Variants in RNF144A observed in about 807,000 individuals in gnomAD.
The protein encoded by RNF144A is E3 ubiquitin-protein ligase RNF144A.
A neutral mutation model predicts 38.7 loss-of-function variants in RNF144A; 11 were observed. That is an observed-to-expected ratio of 0.28 (90% CI 0.18 to 0.47). RNF144A has a LOEUF of 0.47. RNF144A is among the 20% of genes least tolerant of loss of function. The pLI is 0.99. For synonymous variants in RNF144A, 149 were observed against 143.9 expected, an observed-to-expected ratio of 1.04 and a Z score of -0.25; for missense variants, 316 against 377.2, an observed-to-expected ratio of 0.84 and a Z score of 1.34.
At chr2:7,016,190 A>G (rs796181035) in intron 5 of RNF144A, among the ~76,000 whole-genome samples, 13 of 151,842 alleles carry the variant, frequency 8.6e-5, no homozygotes, top group African/African-American at 3.1e-4. Flanking sequence ...CATGGCATTG[A>G]CATTTGTTTT....
At chr2:6,969,934 G>A (rs935017599) in intron 2 of RNF144A, among the ~76,000 whole-genome samples, 3 of 151,982 alleles carry the variant, frequency 2.0e-5, no homozygotes, top group Admixed American at 1.3e-4. Flanking sequence ...GCTAATTTTT[G>A]TATTTTTAGT....
chr2:6,993,183 G>A (rs1434423889), intron 2 of RNF144A, among the ~76,000 whole-genome samples: 3 of 152,076 alleles, frequency 2.0e-5, no homozygotes, highest in African/African-American at 4.8e-5. Context: ...TTTGAATCAC[G>A]ATTTTGAGCA....
chr2:6,972,563 T>A (rs1668063649), intron 2 of RNF144A, among the ~76,000 whole-genome samples: 1 of 152,204 alleles, frequency 6.6e-6, no homozygotes, highest in Non-Finnish European at 1.5e-5. Context: ...ACAATCCTTT[T>A]CCTTTTTTGG....
chr2:6,963,317 A>G (rs1667459073), intron 2 of RNF144A, among the ~76,000 whole-genome samples: 1 of 152,212 alleles, frequency 6.6e-6, no homozygotes, highest in Non-Finnish European at 1.5e-5. Context: ...CATGAAAGTT[A>G]ATATGCAACA....
At chr2:7,047,942 G>T (rs1673374587), downstream of RNF144A, among the ~76,000 whole-genome samples, 2 of 152,160 alleles carry the variant, frequency 1.3e-5, no homozygotes, top group South Asian at 4.2e-4. Flanking sequence ...GGGACCCAGT[G>T]TTCCTCCCAC....
intron 1 of RNF144A, chr2:6,918,438 C>G (rs1426358666): frequency 2.0e-5 from 3 of 152,346 alleles, no homozygotes; most frequent in Non-Finnish European, 2.9e-5. Context: ...AGGATGTCCA[C>G]TCCAAAGTTC....
chr2:7,023,088 T>C lies in RNF144A; in HGVS notation c.510-1281T>C, dbSNP rs571314156. Among the ~76,000 whole-genome samples, 14 of 152,346 alleles carry C rather than the reference T, an allele frequency of 9.2e-5. No individual in the cohort carries two copies. In the East Asian group the frequency reaches 2.1e-3, roughly 23 times the overall value. On this transcript the variant is annotated intron_variant, in intron 6 of 8. Transcript: ENST00000320892. The stretch of plus-strand genomic sequence containing the variant: ...ATCGATGCTATTAGCCTTATTCATC[T>C]GGTTTGCAGATGAGACACGTAACAC...
At chr2:7,029,354 G>C (rs1157319073) in intron 7 of RNF144A, among the ~76,000 whole-genome samples, 6 of 152,184 alleles carry the variant, frequency 3.9e-5, no homozygotes, top group East Asian at 1.9e-4. Context: ...TTGAGATCTG[G>C]GTGCCAAGCA....
intron 3 of RNF144A, among the ~76,000 whole-genome samples, chr2:7,001,520 T>TA (rs1415968175): frequency 2.6e-5 from 4 of 151,288 alleles, no homozygotes; most frequent in African/African-American, 9.7e-5. Context: ...CTACAAAAAA[T>TA]AAAAAAATTA....
intron 3 of RNF144A, among the ~76,000 whole-genome samples, chr2:6,998,857 G>T (rs1490848424): frequency 1.3e-5 from 2 of 151,198 alleles, no homozygotes; most frequent in Non-Finnish European, 1.5e-5. Context: ...CTTCCCAACT[G>T]ATCGAATGGC....
intron 2 of RNF144A, among the ~76,000 whole-genome samples, chr2:6,964,265 A>G (rs1052633495): frequency 1.4e-4 from 21 of 152,216 alleles, no homozygotes; most frequent in African/African-American, 4.8e-4. Flanking sequence ...CAAAACCACA[A>G]TGAGATACCA....
At position 7,042,874 on chromosome 2, in the gene RNF144A, T is replaced by C; in HGVS notation, c.*3114T>C. Reference sequence around the variant, plus strand: ...CCACCTCTGGCATTTTCTTTCTTTTTTTTTCTTTTTGAGACGGAGTTTCGC... The same window carrying C: ...CCACCTCTGGCATTTTCTTTCTTTTCTTTTCTTTTTGAGACGGAGTTTCGC... On this transcript the variant is annotated 3_prime_UTR_variant, in exon 9 of 9. Transcript: ENST00000320892. The C allele has an allele frequency of 3.0e-6, 3 of 985,216 alleles. No homozygotes were observed. Among genetic ancestry groups the C allele is most frequent in the Non-Finnish European group, 3.6e-6 (3 of 829,722 alleles). The allele number at this position is 985,216 out of a possible 1,614,324, so 61.0% of individuals were successfully genotyped here.
the RNF144A span, among the ~76,000 whole-genome samples, chr2:7,074,920 G>C: frequency 6.6e-6 from 1 of 152,128 alleles, no homozygotes; most frequent in African/African-American, 2.4e-5. Context: ...ACATGGAAGA[G>C]GAGGTTCTCA....
chr2:6,987,665 C>A (rs1206670628), intron 2 of RNF144A, among the ~76,000 whole-genome samples: 1 of 152,190 alleles, frequency 6.6e-6, no homozygotes, highest in Non-Finnish European at 1.5e-5. Context: ...AAAGCACCCA[C>A]AACCTCCACT....
In RNF144A at chr2:7,043,031, C is replaced by A; in HGVS notation, c.*3271C>A. 2.1e-6 allele frequency: 1 copy of A among 481,942 alleles called. No individual in the cohort carries two copies. Among genetic ancestry groups the A allele is most frequent in the Non-Finnish European group, 2.7e-6 (1 of 370,204 alleles). The allele number at this position is 481,942 out of a possible 1,614,324, so 29.9% of individuals were successfully genotyped here. Reference sequence around the variant, plus strand: ...TACAGGCACCCACCACCTCACCCAGCTAATTTTTGTATTTTCAGTAGAGAC... The same window carrying A: ...TACAGGCACCCACCACCTCACCCAGATAATTTTTGTATTTTCAGTAGAGAC... On this transcript the variant is annotated 3_prime_UTR_variant, in exon 9 of 9. Transcript: ENST00000320892.
chr2:6,940,846 C>T (rs1275481975), intron 1 of RNF144A, 102 bp from the exon 2 acceptor site: 3 of 152,182 alleles, frequency 2.0e-5, no homozygotes, highest in African/African-American at 7.2e-5. Context: ...GATAAGATTT[C>T]TAATGTCAGT....
chr2:6,999,037 T>C (rs1043165024), intron 3 of RNF144A, among the ~76,000 whole-genome samples: 1 of 152,248 alleles, frequency 6.6e-6, no homozygotes, highest in Non-Finnish European at 1.5e-5. Context: ...TTGTCTTAGT[T>C]TTCTATTTCT....
chr2:6,929,582 G>A (rs1007836819), intron 1 of RNF144A, among the ~76,000 whole-genome samples: 6 of 152,128 alleles, frequency 3.9e-5, no homozygotes, highest in African/African-American at 1.4e-4. Context: ...CAATGTGGTG[G>A]TTTTCAAAAC....
chr2:6,923,425 G>A (rs976740273), intron 1 of RNF144A, among the ~76,000 whole-genome samples: 5 of 152,154 alleles, frequency 3.3e-5, no homozygotes, highest in Admixed American at 1.3e-4. Context: ...CTGTGAGCCC[G>A]CGGGTTGAGT....
Sources: allele counts gnomAD v4.1 joint callset (sites outside exome capture counted in the v4.1 genomes callset), GRCh38; gene constraint gnomAD v4.1.1; transcripts MANE v1.5; gene names NCBI Gene and HGNC (gene_info 2026-07-23, HGNC 2026-07-21).